PCDHGA6: variants seen among roughly 807,000 people sequenced by gnomAD.
The protein encoded by PCDHGA6 is protocadherin gamma subfamily A, 6.
Under a neutral mutation model 60.6 loss-of-function variants are expected in PCDHGA6, and 41 were observed. The observed-to-expected ratio is 0.68, with a 90% confidence interval of 0.53 to 0.88. PCDHGA6 has a LOEUF of 0.88. Among genes scored for constraint, PCDHGA6 ranks in the 40% least tolerant of loss-of-function variants. PCDHGA6 has a pLI of 0.00. For synonymous variants in PCDHGA6, 594 were observed against 524.4 expected, an observed-to-expected ratio of 1.13 and a Z score of -1.81; for missense variants, 1,312 against 1,203.0, an observed-to-expected ratio of 1.09 and a Z score of -1.34.
chr5:141,409,459 T>A lies in PCDHGA6; in HGVS notation c.2424+32952T>A, dbSNP rs139792503. 3.7e-6 allele frequency: 6 copies of A among 1,613,832 alleles called. 1 individual carries two copies. The highest frequency in any genetic ancestry group is 3.3e-4 in the Middle Eastern group (2 of 6,084). ...ACCGAGAGCAGACACCAGAATACAATGTCACCATCGTAGCCACTGACAGGG... is the reference window on the plus strand; with the variant it reads ...ACCGAGAGCAGACACCAGAATACAAAGTCACCATCGTAGCCACTGACAGGG... On this transcript the variant is annotated intron_variant, in intron 1 of 3. Transcript: ENST00000517434.
chr5:141,448,894 G>A (rs2098614669), intron 1 of PCDHGA6, among the ~76,000 whole-genome samples: 2 of 152,098 alleles, frequency 1.3e-5, no homozygotes, highest in South Asian at 4.1e-4. Context: ...GCAGTGAGCC[G>A]AGATCGTGCC....
At position 141,374,687 on chromosome 5, in the gene PCDHGA6, C is replaced by G. The variant is rs1443411888; in HGVS notation, c.604C>G (p.Arg202Gly). ...GCTGGTGCTGGAGGGCACACTGGAC[C>G]GGGAAGGAGAAGCCGTTTACCGCCT... ...PELVLEGTLD[R>G]EGEAVYRLVL... The change falls in exon 1 of 4, where the codon CGG (arginine) becomes GGG (glycine). Residue 202 changes from arginine to glycine, a missense_variant. Transcript: ENST00000517434. The G allele has an allele frequency of 6.2e-7, 1 of 1,609,446 alleles. No individual in the cohort carries two copies. Among genetic ancestry groups the G allele is most frequent in the African/African-American group, 1.3e-5 (1 of 74,950 alleles).
intron 1 of PCDHGA6, chr5:141,428,630 C>T: frequency 5.4e-6 from 1 of 185,692 alleles, no homozygotes; most frequent in Non-Finnish European, 1.1e-5. Context: ...AGCTCTAACT[C>T]TGTTGCTCCT....
intron 1 of PCDHGA6, chr5:141,422,081 T>C: frequency 2.5e-6 from 4 of 1,612,346 alleles, no homozygotes; most frequent in Non-Finnish European, 3.4e-6. Context: ...TTTCGGAACA[T>C]GGAAAGCAAG....
rs1292277026 is a variant in PCDHGA6 at position 141,489,814 on chromosome 5, CCA to C, written c.2425-4992_2425-4991del. 6 of 1,614,024 alleles carry C rather than the reference CCA, an allele frequency of 3.7e-6. No homozygotes were observed. Among genetic ancestry groups the C allele is most frequent in the Non-Finnish European group, 8.5e-7 (1 of 1,180,004 alleles). ...GACCCTAAAAGATGGGAAGCCATTC[CCA>C]GAGCTGGTGCTAGAGCAGCAGCTGG... On this transcript the variant is annotated intron_variant, in intron 1 of 3. Transcript: ENST00000517434. This position sits in a 1 kb window ranked among gnomAD's most constrained non-coding sequence, Gnocchi z 4.5.
Position 141,432,248 on chromosome 5 carries a change from C to T in PCDHGA6, c.2424+55741C>T. Reference sequence around the variant, plus strand: ...TTATTCCCTGGCTGAGAACACCATCCAAGGGGCAAGCCTATCGTCCTACGT... The same window carrying T: ...TTATTCCCTGGCTGAGAACACCATCTAAGGGGCAAGCCTATCGTCCTACGT... On this transcript the variant is annotated intron_variant, in intron 1 of 3. Transcript: ENST00000517434. This position sits in a 1 kb window ranked among gnomAD's most constrained non-coding sequence, Gnocchi z 6.0. 1.2e-6 allele frequency: 2 copies of T among 1,614,244 alleles called. No individual in the cohort carries two copies. Among genetic ancestry groups the T allele is most frequent in the South Asian group, 1.1e-5 (1 of 91,090 alleles).
chr5:141,407,158 G>A (rs2094893881), intron 1 of PCDHGA6, among the ~76,000 whole-genome samples: 1 of 152,166 alleles, frequency 6.6e-6, no homozygotes, highest in African/African-American at 2.4e-5. Flanking sequence ...AAGTGTCTGG[G>A]AATCCTTTAT....
At chr5:141,401,805 G>C (rs1307812903) in intron 1 of PCDHGA6, among the ~76,000 whole-genome samples, 1 of 152,132 alleles carries the variant, frequency 6.6e-6, no homozygotes, top group Non-Finnish European at 1.5e-5. Context: ...TTCAGTAAAT[G>C]GGTTCCTTAC....
At chr5:141,414,740 G>A (rs776833780) in intron 1 of PCDHGA6, 1 of 1,614,208 alleles carries the variant, frequency 6.2e-7, no homozygotes, top group South Asian at 1.1e-5. Flanking sequence ...TATGCACTCA[G>A]ATCCTTCGAC....
intron 1 of PCDHGA6, among the ~76,000 whole-genome samples, chr5:141,474,405 GT>G (rs2099348889): frequency 6.6e-6 from 1 of 152,196 alleles, no homozygotes; most frequent in African/African-American, 2.4e-5. Flanking sequence ...AAGCTCCCCG[GT>G]GATGCCTAGA....
chr5:141,509,513 T>C (rs2099877131), intron 3 of PCDHGA6, among the ~76,000 whole-genome samples: 2 of 152,068 alleles, frequency 1.3e-5, no homozygotes, highest in Non-Finnish European at 2.9e-5. Flanking sequence ...ACGGTGTTGA[T>C]GATGTATTGC....
At chr5:141,379,462 A>G (rs1775613818) in intron 1 of PCDHGA6, 1 of 152,244 alleles carries the variant, frequency 6.6e-6, no homozygotes, top group African/African-American at 2.4e-5. Context: ...ATAAACTCTG[A>G]AAGTGTGAAT....
At chr5:141,465,457 C>G (rs956070103) in intron 1 of PCDHGA6, among the ~76,000 whole-genome samples, 1 of 152,214 alleles carries the variant, frequency 6.6e-6, no homozygotes, top group Non-Finnish European at 1.5e-5. Context: ...AAAACTCTCA[C>G]CAAATTGCCC....
chr5:141,421,665 C>G (rs1227312221), intron 1 of PCDHGA6: 4 of 1,613,854 alleles, frequency 2.5e-6, no homozygotes, highest in Non-Finnish European at 2.5e-6. Flanking sequence ...TCAGTGAGCA[C>G]GCAATTCCTG....
chr5:141,447,738 A>C (rs1365302023), intron 1 of PCDHGA6, among the ~76,000 whole-genome samples: 7 of 152,216 alleles, frequency 4.6e-5, no homozygotes, highest in Non-Finnish European at 8.8e-5. Context: ...ATTGAACTTA[A>C]GAGTCTTGCA....
intron 2 of PCDHGA6, among the ~76,000 whole-genome samples, chr5:141,499,686 T>G (rs1400567357): frequency 1.3e-5 from 2 of 149,346 alleles, no homozygotes; most frequent in Non-Finnish European, 3.0e-5. Flanking sequence ...CTTTAACAGA[T>G]GACTTTTTTT....
At chr5:141,389,328 A>G (rs2091708257) in intron 1 of PCDHGA6, 2 of 1,613,854 alleles carry the variant, frequency 1.2e-6, no homozygotes, top group African/African-American at 2.7e-5. Context: ...CTTGGGGCCC[A>G]ACGGCCAAGT....
chr5:141,428,121 G>A (rs764584436), intron 1 of PCDHGA6: 2 of 1,605,742 alleles, frequency 1.2e-6, no homozygotes, highest in Admixed American at 1.7e-5. Flanking sequence ...CATCGAGCCC[G>A]GGCTTTTCAG....
intron 1 of PCDHGA6, among the ~76,000 whole-genome samples, chr5:141,397,520 TA>T (rs2093534630): frequency 6.6e-6 from 1 of 152,170 alleles, no homozygotes; most frequent in South Asian, 2.1e-4. Flanking sequence ...CCATAGCTAA[TA>T]AAAAATGAAT....
Sources: gnomAD v4.1 joint callset for allele counts (sites outside exome capture counted in the v4.1 genomes callset) on GRCh38, gnomAD v4.1.1 for gene constraint, Gnocchi (gnomAD v3.1) non-coding constraint, MANE v1.5 for transcripts, NCBI Gene and HGNC (gene_info 2026-07-23, HGNC 2026-07-21) for gene names.